The following NPSR1 variants were observed in gnomAD, a reference collection of about 807,000 sequenced individuals.
NPSR1 encodes neuropeptide S receptor.
NPSR1 carries 48 observed loss-of-function variants against 46.9 expected under a neutral mutation model. The ratio of observed to expected loss-of-function variants is 1.02; its 90% CI spans 0.81 to 1.30. The LOEUF (loss-of-function observed/expected upper bound fraction) is 1.30, where lower values mean the gene tolerates loss of function less well. NPSR1 is among the 50% of genes most tolerant of loss of function. The pLI, the probability that NPSR1 is intolerant of heterozygous loss-of-function variation, is 0.00. For synonymous variants in NPSR1, 176 were observed against 168.1 expected (o/e 1.05, Z -0.36); for missense variants, 450 against 449.5 (o/e 1.00, Z -0.01).
At chr7:34,703,605 T>C (rs1488869743) in intron 2 of NPSR1, among the ~76,000 whole-genome samples, 1 of 151,592 alleles carries the variant, frequency 6.6e-6, no homozygotes, top group Non-Finnish European at 1.5e-5. Context: ...TTTGATCCCT[T>C]CAAAAAAAAA....
intron 8 of NPSR1, among the ~76,000 whole-genome samples, chr7:34,873,814 A>G (rs1791514253): frequency 6.6e-6 from 1 of 151,678 alleles, no homozygotes; most frequent in Admixed American, 6.6e-5. Context: ...GGGGCAAGCC[A>G]GGAACAGGCT....
At chr7:34,739,044 TCATC>T (rs1784813104) in intron 2 of NPSR1, among the ~76,000 whole-genome samples, 2 of 152,252 alleles carry the variant, frequency 1.3e-5, no homozygotes, top group Non-Finnish European at 2.9e-5. Context: ...TGTTTAAAGT[TCATC>T]CATATTGCAG....
intron 3 of NPSR1, chr7:34,779,847 A>T (rs1320892493): frequency 1.1e-5 from 2 of 187,396 alleles, no homozygotes; most frequent in Admixed American, 1.2e-4. Flanking sequence ...CACAGTTTCT[A>T]TTAGTCAAGA....
intron 3 of NPSR1, among the ~76,000 whole-genome samples, chr7:34,792,677 A>ATATATATTTT (rs1787960782): frequency 1.1e-5 from 1 of 90,560 alleles, no homozygotes; most frequent in Admixed American, 1.2e-4. Flanking sequence ...ATATATATGT[A>ATATATATTTT]TATATATATA....
intron 2 of NPSR1, among the ~76,000 whole-genome samples, chr7:34,763,066 G>A (rs1786251975): frequency 6.6e-6 from 1 of 152,090 alleles, no homozygotes; most frequent in African/African-American, 2.4e-5. Flanking sequence ...TGTTTAATTG[G>A]ACAACATTTC....
chr7:34,693,973 C>G (rs572937347), intron 2 of NPSR1, among the ~76,000 whole-genome samples: 1 of 152,198 alleles, frequency 6.6e-6, no homozygotes, highest in African/African-American at 2.4e-5. Flanking sequence ...TAAAAACCCT[C>G]AACAAATTAG....
At chr7:34,797,242 A>G (rs1025503058) in intron 3 of NPSR1, among the ~76,000 whole-genome samples, 4 of 152,204 alleles carry the variant, frequency 2.6e-5, no homozygotes, top group Admixed American at 6.6e-5. Flanking sequence ...ACTCTGTACT[A>G]TACTATAACA....
At chr7:34,814,977 G>A (rs1329233985) in intron 4 of NPSR1, among the ~76,000 whole-genome samples, 1 of 152,194 alleles carries the variant, frequency 6.6e-6, no homozygotes, top group Non-Finnish European at 1.5e-5. Context: ...GAGCGGAAAA[G>A]CTGAAAATTC....
chr7:34,806,767 C>A (rs538491869), intron 3 of NPSR1, among the ~76,000 whole-genome samples: 8 of 152,198 alleles, frequency 5.3e-5, no homozygotes, highest in South Asian at 4.1e-4. Context: ...GGGAAACCCT[C>A]TGTGTTGTTT....
Position 34,848,460 on chromosome 7 carries a change from C to T in NPSR1, c.845-23C>T, listed in dbSNP as rs1198690055. ...CCCTCAACTGCTACCTGCTGTGATG[C>T]TAATGGCTCTCTTCTCCCCCAGCCT... On this transcript the variant is annotated intron_variant, in intron 7 of 8. Transcript: ENST00000360581. 4 of 1,610,680 alleles carry T rather than the reference C, an allele frequency of 2.5e-6. No homozygotes were observed. In the Admixed American group the frequency reaches 5.0e-5, roughly 20 times the overall value.
chr7:34,863,276 C>G (rs748158166), intron 8 of NPSR1, among the ~76,000 whole-genome samples: 4 of 151,820 alleles, frequency 2.6e-5, no homozygotes, highest in Non-Finnish European at 5.9e-5. Flanking sequence ...ACTATAAAAA[C>G]CCTAGAAGAA....
chr7:34,731,277 A>G lies in NPSR1; in HGVS notation c.280+46593A>G, dbSNP rs146458049. Among the ~76,000 whole-genome samples, 360 of 152,280 alleles carry G rather than the reference A, an allele frequency of 2.4e-3. 2 individuals are homozygous for G. Among genetic ancestry groups the G allele is most frequent in the African/African-American group, 8.5e-3 (353 of 41,576 alleles). ...ATACTTAATACAAGAATAAATACAA[A>G]TATAGGAACAAGTAAGATACACACA... On this transcript the variant is annotated intron_variant, in intron 2 of 8. Coordinates refer to ENST00000360581, the MANE Select transcript of NPSR1 (RefSeq NM_207172.2).
At chr7:34,796,960 T>C (rs1161869566) in intron 3 of NPSR1, among the ~76,000 whole-genome samples, 1 of 152,188 alleles carries the variant, frequency 6.6e-6, no homozygotes, top group Non-Finnish European at 1.5e-5. Flanking sequence ...AAATAAGCTG[T>C]GGTACATCCA....
chr7:34,858,533 T>C (rs1336754899), intron 8 of NPSR1, among the ~76,000 whole-genome samples: 2 of 151,316 alleles, frequency 1.3e-5, no homozygotes, highest in Non-Finnish European at 2.9e-5. Flanking sequence ...ATTGTATTAG[T>C]CCGTTTTTCA....
intron 4 of NPSR1, among the ~76,000 whole-genome samples, chr7:34,814,972 GA>G (rs1354965150): frequency 3.3e-5 from 5 of 152,164 alleles, no homozygotes; most frequent in Non-Finnish European, 7.3e-5. Context: ...AACCAGAGCG[GA>G]AAAGCTGAAA....
At chr7:34,725,603 C>A (rs1784104008) in intron 2 of NPSR1, among the ~76,000 whole-genome samples, 1 of 152,210 alleles carries the variant, frequency 6.6e-6, no homozygotes, top group South Asian at 2.1e-4. Context: ...ATAGTGAGGT[C>A]CCCAGAATGT....
At chr7:34,861,467 T>C (rs1791190257) in intron 8 of NPSR1, among the ~76,000 whole-genome samples, 1 of 151,820 alleles carries the variant, frequency 6.6e-6, no homozygotes, top group African/African-American at 2.4e-5. Flanking sequence ...GATGCCCGAC[T>C]ATCTGGCATT....
At chr7:34,791,101 A>ATG (rs1458889510) in intron 3 of NPSR1, among the ~76,000 whole-genome samples, 4 of 93,144 alleles carry the variant, frequency 4.3e-5, no homozygotes, top group Admixed American at 1.4e-4. Context: ...TATATTATAT[A>ATG]TAATATGTTA....
intron 2 of NPSR1, among the ~76,000 whole-genome samples, chr7:34,777,967 A>G (rs1318989457): frequency 2.6e-5 from 4 of 152,168 alleles, no homozygotes; most frequent in Admixed American, 2.6e-4. Context: ...GAAAGTGGAA[A>G]GGAGAAGAAA....
Sources: gnomAD v4.1 joint callset for allele counts (sites outside exome capture counted in the v4.1 genomes callset) on GRCh38, gnomAD v4.1.1 for gene constraint, MANE v1.5 for transcripts, NCBI Gene and HGNC (gene_info 2026-07-23, HGNC 2026-07-21) for gene names.